The following BLOC1S2 variants were observed in gnomAD, a reference collection of about 807,000 sequenced individuals.
BLOC1S2 encodes biogenesis of lysosome-related organelles complex 1 subunit 2.
BLOC1S2 carries 12 observed loss-of-function variants against 19.6 expected under a neutral mutation model. The observed-to-expected ratio is 0.61, with a 90% confidence interval of 0.39 to 0.99. The LOEUF (loss-of-function observed/expected upper bound fraction) is 0.99. Ranked by LOEUF, BLOC1S2 falls within the 50% of genes least tolerant of loss-of-function variation. The probability of loss-of-function intolerance (pLI) is 0.00; values close to 1 mark genes in which losing one functional copy is unlikely to be tolerated. For synonymous variants in BLOC1S2, 66 were observed against 64.1 expected, an observed-to-expected ratio of 1.03 and a Z score of -0.14; for missense variants, 142 against 171.0, an observed-to-expected ratio of 0.83 and a Z score of 0.95.
rs747005756 is a variant in BLOC1S2 at position 100,286,146 on chromosome 10, G to A, written c.123C>T (p.Cys41=). The part of the protein sequence containing the change: ...EPAEADITEL[C]RDMFSKMATY... ...TGGCCATTTTGGAGAACATGTCCCG[G>A]CAGAGCTCAGTGATGTCAGCTTCAG... is the stretch of plus-strand genomic sequence containing the variant. Residue 41 remains cysteine, a synonymous_variant, in exon 2 of 5, where the codon TGC becomes TGT. Transcript: ENST00000370372. 1.9e-6 allele frequency: 3 copies of A among 1,614,074 alleles called. No homozygotes were observed. Among genetic ancestry groups the A allele is most frequent in the Non-Finnish European group, 1.7e-6 (2 of 1,179,996 alleles).
intron 2 of BLOC1S2, 93 bp downstream of exon 2, chr10:100,286,004 A>G (rs1848224859): frequency 6.6e-7 from 1 of 1,510,784 alleles, no homozygotes; most frequent in African/African-American, 1.4e-5. Context: ...CAGGGCATGC[A>G]GGGTAGGAAG....
chr10:100,286,273 C>T lies in BLOC1S2; in HGVS notation c.56-60G>A. 2.6e-6 allele frequency: 4 copies of T among 1,564,700 alleles called. No homozygotes were observed. The South Asian group carries it at 3.5e-5, about 14-fold the overall frequency. ...ACACCCGGTGCTAATCCAGCCAAAG[C>T]AGCCTGTTCCGACATCCCTCCACTT... On this transcript the variant is annotated intron_variant, in intron 1 of 4. Transcript: ENST00000370372.
At position 100,286,360 on chromosome 10, in the gene BLOC1S2, G is replaced by A. The variant is rs1458142194; in HGVS notation, c.56-147C>T. The A allele has an allele frequency of 3.4e-6, 5 of 1,458,656 alleles. No homozygotes were observed. In the African/African-American group the frequency reaches 5.7e-5, roughly 17 times the overall value. The allele number at this position is 1,458,656 out of a possible 1,614,324, so 90.4% of individuals were successfully genotyped here. On this transcript the variant is annotated intron_variant, in intron 1 of 4. Coordinates refer to ENST00000370372, the MANE Select transcript of BLOC1S2 (RefSeq NM_173809.5). ...GCCATAATTTCAAGTCCTTCACTGC[G>A]TCCCTGCCCATCTGACACATCAACT...
At position 100,286,418 on chromosome 10, in the gene BLOC1S2, G is replaced by T. The variant is rs528723294; in HGVS notation, c.55+187C>A. ...CTCGCACCGCCCCTCGCCCATACCCGGCACCCCCGCTCATCCTGGCACCAT... is the reference window on the plus strand; with the variant it reads ...CTCGCACCGCCCCTCGCCCATACCCTGCACCCCCGCTCATCCTGGCACCAT... On this transcript the variant is annotated intron_variant, in intron 1 of 4. Coordinates refer to ENST00000370372, the MANE Select transcript of BLOC1S2 (RefSeq NM_173809.5). 9.0e-5 allele frequency: 131 copies of T among 1,461,812 alleles called. 1 individual carries two copies. The South Asian group carries it at 1.8e-3, about 20-fold the overall frequency. 90.6% of individuals were successfully genotyped at this position (1,461,812 alleles called of 1,614,324 possible).
chr10:100,277,152 G>A (rs1589646963), intron 4 of BLOC1S2, among the ~76,000 whole-genome samples: 1 of 151,166 alleles, frequency 6.6e-6, no homozygotes, highest in African/African-American at 2.4e-5. Context: ...CCTGTGCCCC[G>A]CCGCCCCATC....
chr10:100,278,284 G>A (rs1356070866), intron 4 of BLOC1S2, among the ~76,000 whole-genome samples: 2 of 152,008 alleles, frequency 1.3e-5, no homozygotes, highest in African/African-American at 4.8e-5. Context: ...CGCCCCTACT[G>A]GGAAGTGAGG....
chr10:100,283,470 C>T (rs1444513793), intron 2 of BLOC1S2, among the ~76,000 whole-genome samples: 1 of 152,098 alleles, frequency 6.6e-6, no homozygotes, highest in Admixed American at 6.6e-5. Context: ...GCCACGGTGC[C>T]TGGTCCTCTA....
chr10:100,286,144 C>A lies in BLOC1S2; in HGVS notation c.125G>T (p.Arg42Leu). The A allele has an allele frequency of 6.2e-7, 1 of 1,614,094 alleles. No individual in the cohort carries two copies. Among genetic ancestry groups the A allele is most frequent in the Non-Finnish European group, 8.5e-7 (1 of 1,179,998 alleles). The change falls in exon 2 of 5, where the codon CGG becomes CTG. Residue 42 changes from arginine (R) to leucine (L), a missense_variant. Physicochemically the swap from Arg to Leu is moderately radical, Grantham distance 102 (BLOSUM62 -2). Transcript: ENST00000370372. ...AGTGGCCATTTTGGAGAACATGTCCCGGCAGAGCTCAGTGATGTCAGCTTC... is the reference window on the plus strand; with the variant it reads ...AGTGGCCATTTTGGAGAACATGTCCAGGCAGAGCTCAGTGATGTCAGCTTC... ...PAEADITELC[R>L]DMFSKMATYL...
intron 4 of BLOC1S2, among the ~76,000 whole-genome samples, chr10:100,277,749 G>T (rs1847954787): frequency 7.5e-6 from 1 of 133,170 alleles, no homozygotes; most frequent in African/African-American, 2.8e-5. Context: ...CGTCCGGGAG[G>T]TGAGGGGCGC....
intron 4 of BLOC1S2, among the ~76,000 whole-genome samples, chr10:100,275,789 T>A (rs1847834196): frequency 6.6e-6 from 1 of 152,174 alleles, no homozygotes; most frequent in African/African-American, 2.4e-5. Flanking sequence ...ACTTGACCTA[T>A]CGGGAGCCTT....
intron 2 of BLOC1S2, among the ~76,000 whole-genome samples, chr10:100,281,705 T>TATATAC (rs1370530311): frequency 1.4e-4 from 10 of 69,824 alleles, no homozygotes; most frequent in African/African-American, 5.2e-4. Context: ...TATATATATA[T>TATATAC]ACACATACAC....
At chr10:100,279,836 G>A (rs569150365) in intron 4 of BLOC1S2, among the ~76,000 whole-genome samples, 2 of 152,160 alleles carry the variant, frequency 1.3e-5, no homozygotes, top group East Asian at 1.9e-4. Flanking sequence ...AGCCGAGATC[G>A]CACCATTGCA....
At chr10:100,278,097 G>C (rs79535140) in intron 4 of BLOC1S2, among the ~76,000 whole-genome samples, 1 of 112,434 alleles carries the variant, frequency 8.9e-6, no homozygotes, top group African/African-American at 3.4e-5. Flanking sequence ...GCTCCGTCCG[G>C]GAGGGAGGTG....
At position 100,274,693 on chromosome 10, in the gene BLOC1S2, A is replaced by G; in HGVS notation, c.*769T>C. 1 of 319,244 alleles carries G rather than the reference A, an allele frequency of 3.1e-6. No homozygotes were observed. Among genetic ancestry groups the G allele is most frequent in the East Asian group, 4.7e-5 (1 of 21,224 alleles). 19.8% of individuals were successfully genotyped at this position (319,244 alleles called of 1,614,324 possible). The stretch of plus-strand genomic sequence containing the variant: ...TCCCCCCAAATCCTACATACACAGT[A>G]GGAAGGTATTTTATAAAATCCTTTA... On this transcript the variant is annotated 3_prime_UTR_variant, in exon 5 of 5. Coordinates refer to ENST00000370372, the MANE Select transcript of BLOC1S2 (RefSeq NM_173809.5).
At chr10:100,276,507 CG>C (rs1182962120) in intron 4 of BLOC1S2, among the ~76,000 whole-genome samples, 12 of 123,074 alleles carry the variant, frequency 9.8e-5, no homozygotes, top group Non-Finnish European at 2.0e-4. Flanking sequence ...CTCCCTCTCC[CG>C]TCTCCCTCTC....
At chr10:100,282,701 A>T (rs1480596838) in intron 2 of BLOC1S2, among the ~76,000 whole-genome samples, 2 of 152,274 alleles carry the variant, frequency 1.3e-5, no homozygotes, top group African/African-American at 4.8e-5. Context: ...AGAAACTAGC[A>T]TAGTTTAAGA....
At chr10:100,283,160 C>T (rs1848151346) in intron 2 of BLOC1S2, among the ~76,000 whole-genome samples, 1 of 152,250 alleles carries the variant, frequency 6.6e-6, no homozygotes, top group Non-Finnish European at 1.5e-5. Flanking sequence ...ACCTCAGATA[C>T]ATCTTGGTCT....
intron 2 of BLOC1S2, among the ~76,000 whole-genome samples, chr10:100,282,365 C>T (rs554358602): frequency 6.6e-6 from 1 of 152,198 alleles, no homozygotes; most frequent in South Asian, 2.1e-4. Context: ...GCCCTACCAT[C>T]CAGAGATTAC....
chr10:100,283,956 A>G (rs1231601696), intron 2 of BLOC1S2, among the ~76,000 whole-genome samples: 1 of 152,254 alleles, frequency 6.6e-6, no homozygotes, highest in Non-Finnish European at 1.5e-5. Flanking sequence ...AAAGTAAGCC[A>G]AGTGCTTGCA....
Sources: gnomAD v4.1 joint callset for allele counts (sites outside exome capture counted in the v4.1 genomes callset) on GRCh38, gnomAD v4.1.1 for gene constraint, MANE v1.5 for transcripts, NCBI Gene and HGNC (gene_info 2026-07-23, HGNC 2026-07-21) for gene names.